Variants in JAZF1 observed in about 807,000 individuals in gnomAD.
The protein encoded by JAZF1 is juxtaposed with another zinc finger protein 1.
In JAZF1, 8 loss-of-function variants were observed where a neutral mutation model predicts 26.4. That is an observed-to-expected ratio of 0.30 (90% CI 0.18 to 0.55). The LOEUF (loss-of-function observed/expected upper bound fraction) is 0.55. JAZF1 is among the 20% of genes least tolerant of loss of function. The pLI, the probability that JAZF1 is intolerant of heterozygous loss-of-function variation, is 0.94. For synonymous variants in JAZF1, 126 were observed against 122.3 expected (o/e 1.03, Z -0.20); for missense variants, 199 against 322.0 (o/e 0.62, Z 2.92).
intron 4 of JAZF1, among the ~76,000 whole-genome samples, chr7:27,835,788 G>A (rs1453247657): frequency 6.6e-6 from 1 of 152,012 alleles, no homozygotes; most frequent in Non-Finnish European, 1.5e-5. Context: ...TATTTCATCA[G>A]TCCTGAAACA....
chr7:28,116,473 C>G (rs1040444496), intron 1 of JAZF1, among the ~76,000 whole-genome samples: 2 of 152,144 alleles, frequency 1.3e-5, no homozygotes, highest in Non-Finnish European at 2.9e-5. Flanking sequence ...CAGACAGAGT[C>G]TCGCCCTGTC....
chr7:28,171,291 G>GCAATTATGTTA (rs1413189762), intron 1 of JAZF1, among the ~76,000 whole-genome samples: 1 of 152,166 alleles, frequency 6.6e-6, no homozygotes, highest in Non-Finnish European at 1.5e-5. Context: ...ATGGATATTT[G>GCAATTATGTTA]TGTGAATGCC....
chr7:28,098,127 G>A (rs749415704), intron 1 of JAZF1, among the ~76,000 whole-genome samples: 10 of 152,072 alleles, frequency 6.6e-5, no homozygotes, highest in Non-Finnish European at 1.0e-4. Flanking sequence ...GAAGCCTTTG[G>A]GAGATGATCA....
chr7:27,988,510 G>A (rs555786061), intron 2 of JAZF1, among the ~76,000 whole-genome samples: 14 of 151,954 alleles, frequency 9.2e-5, no homozygotes, highest in African/African-American at 2.4e-4. Context: ...CGTGTAGCTG[G>A]GGATACAGGT....
At chr7:28,007,150 T>C (rs1456459339) in intron 1 of JAZF1, among the ~76,000 whole-genome samples, 2 of 152,196 alleles carry the variant, frequency 1.3e-5, no homozygotes, top group African/African-American at 4.8e-5. Context: ...ATAAAGTTTA[T>C]GTTTTTGATT....
intron 1 of JAZF1, among the ~76,000 whole-genome samples, chr7:28,124,809 T>G (rs1782669471): frequency 6.6e-6 from 1 of 152,224 alleles, no homozygotes; most frequent in Non-Finnish European, 1.5e-5. Flanking sequence ...AATGAGCATT[T>G]TGATCAGATC....
At chr7:28,124,249 G>A (rs970642153) in intron 1 of JAZF1, among the ~76,000 whole-genome samples, 3 of 152,200 alleles carry the variant, frequency 2.0e-5, no homozygotes, top group Non-Finnish European at 4.4e-5. Context: ...AGGACACAGC[G>A]AGGGGGCGGC....
chr7:28,060,990 T>C (rs879897953), intron 1 of JAZF1, among the ~76,000 whole-genome samples: 3 of 152,254 alleles, frequency 2.0e-5, no homozygotes, highest in African/African-American at 4.8e-5. Flanking sequence ...TGGTTCAGAA[T>C]GAGAGCTTTG....
intron 2 of JAZF1, among the ~76,000 whole-genome samples, chr7:27,964,421 G>A (rs927925620): frequency 2.0e-5 from 3 of 152,080 alleles, no homozygotes; most frequent in Non-Finnish European, 4.4e-5. Context: ...TAATTTTGAA[G>A]ATGCAGCAAC....
chr7:28,006,467 G>A (rs568069583), intron 1 of JAZF1, among the ~76,000 whole-genome samples: 15 of 152,308 alleles, frequency 9.8e-5, no homozygotes, highest in East Asian at 3.9e-4. Flanking sequence ...TAGTGCTTGC[G>A]TTGTGGGACT....
intron 1 of JAZF1, among the ~76,000 whole-genome samples, chr7:28,080,948 A>G (rs1439581852): frequency 6.6e-6 from 1 of 152,184 alleles, no homozygotes; most frequent in Admixed American, 6.5e-5. Flanking sequence ...AAACAAAAAA[A>G]AAAATGCACT....
chr7:28,018,588 G>A (rs1298966452), intron 1 of JAZF1, among the ~76,000 whole-genome samples: 3 of 152,222 alleles, frequency 2.0e-5, no homozygotes, highest in Admixed American at 6.5e-5. Context: ...AAATTATACA[G>A]TCATCCTATC....
At chr7:27,931,325 C>T (rs1784685300) in intron 2 of JAZF1, among the ~76,000 whole-genome samples, 1 of 152,190 alleles carries the variant, frequency 6.6e-6, no homozygotes, top group Non-Finnish European at 1.5e-5. Context: ...GCTCACAAGT[C>T]ATAGTTTGCC....
At chr7:28,078,675 C>T (rs1221129297) in intron 1 of JAZF1, among the ~76,000 whole-genome samples, 1 of 152,030 alleles carries the variant, frequency 6.6e-6, no homozygotes, top group African/African-American at 2.4e-5. Context: ...ACAGTGAATC[C>T]GGACACTATA....
intron 3 of JAZF1, among the ~76,000 whole-genome samples, chr7:27,851,429 A>ATTTG (rs1209561935): frequency 6.6e-6 from 1 of 152,180 alleles, no homozygotes; most frequent in Non-Finnish European, 1.5e-5. Context: ...TGGGAGGATC[A>ATTTG]TTTGAAGGCA....
chr7:27,989,818 A>C (rs1272090396), intron 2 of JAZF1, among the ~76,000 whole-genome samples: 1 of 152,168 alleles, frequency 6.6e-6, no homozygotes, highest in Admixed American at 6.5e-5. Context: ...AAATAGGAAC[A>C]CTTTTACACT....
At chr7:27,866,926 C>A (rs191485815) in intron 3 of JAZF1, among the ~76,000 whole-genome samples, 30 of 152,252 alleles carry the variant, frequency 2.0e-4, no homozygotes, top group African/African-American at 7.0e-4. Flanking sequence ...TGCATCACAC[C>A]GTGGAGGAAT....
intron 3 of JAZF1, among the ~76,000 whole-genome samples, chr7:27,889,981 T>C (rs1297970114): frequency 6.6e-6 from 1 of 152,084 alleles, no homozygotes; most frequent in Non-Finnish European, 1.5e-5. Flanking sequence ...GTTTTGAAAC[T>C]GGATTTTCTC....
chr7:28,082,735 G>A (rs1302131157), intron 1 of JAZF1, among the ~76,000 whole-genome samples: 1 of 152,056 alleles, frequency 6.6e-6, no homozygotes, highest in African/African-American at 2.4e-5. Context: ...AAATCCCCAA[G>A]GACTGTGCAT....
Sources: allele counts gnomAD v4.1 joint callset (sites outside exome capture counted in the v4.1 genomes callset), GRCh38; gene constraint gnomAD v4.1.1; transcripts MANE v1.5; gene names NCBI Gene and HGNC (gene_info 2026-07-23, HGNC 2026-07-21).